The following PHACTR1 variants were observed in gnomAD, a reference collection of about 807,000 sequenced individuals.
The protein encoded by PHACTR1 is phosphatase and actin regulator 1.
PHACTR1 carries 16 observed loss-of-function variants against 69.2 expected under a neutral mutation model. The observed-to-expected ratio is 0.23, with a 90% CI of 0.16 to 0.35. The LOEUF (loss-of-function observed/expected upper bound fraction) is 0.35, where lower values mean the gene tolerates loss of function less well. Ranked by LOEUF, PHACTR1 falls within the 10% of genes least tolerant of loss-of-function variation. PHACTR1 has a pLI of 1.00. For missense variants in PHACTR1, 510 were observed against 734.7 expected, an observed-to-expected ratio of 0.69 and a Z score of 3.54; for synonymous variants, 312 against 284.5, an observed-to-expected ratio of 1.10 and a Z score of -0.97.
At chr6:12,762,672 A>G (rs1233796985) in intron 4 of PHACTR1, among the ~76,000 whole-genome samples, 3 of 152,204 alleles carry the variant, frequency 2.0e-5, no homozygotes, top group Non-Finnish European at 4.4e-5. Context: ...CCCTCACCTC[A>G]GAACTCCTCC....
chr6:12,731,016 T>TTATTTATG (rs978762535), intron 3 of PHACTR1, among the ~76,000 whole-genome samples: 8 of 150,618 alleles, frequency 5.3e-5, no homozygotes, highest in African/African-American at 2.0e-4. Context: ...ATTTATTTAT[T>TTATTTATG]TATTTATTTA....
chr6:13,241,548 T>C (rs1772842019), intron 10 of PHACTR1, among the ~76,000 whole-genome samples: 1 of 152,146 alleles, frequency 6.6e-6, no homozygotes. Context: ...TGAAAGCTCT[T>C]CACCACTTAC....
intron 3 of PHACTR1, among the ~76,000 whole-genome samples, chr6:12,728,448 T>C (rs182721623): frequency 6.6e-6 from 1 of 152,296 alleles, no homozygotes; most frequent in East Asian, 1.9e-4. Flanking sequence ...AAACTGGGGG[T>C]ATGAATAAGA....
At chr6:12,839,362 G>A (rs1320744788) in intron 4 of PHACTR1, among the ~76,000 whole-genome samples, 1 of 152,176 alleles carries the variant, frequency 6.6e-6, no homozygotes, top group African/African-American at 2.4e-5. Flanking sequence ...CATCAAGCAA[G>A]CTATCATTCC....
intron 4 of PHACTR1, among the ~76,000 whole-genome samples, chr6:12,851,064 AGAG>A (rs1474260683): frequency 3.3e-5 from 5 of 152,214 alleles, no homozygotes; most frequent in Admixed American, 1.3e-4. Context: ...CAATTTTAAG[AGAG>A]TTCGTGTGTT....
chr6:13,041,958 T>C (rs889079203), intron 4 of PHACTR1, among the ~76,000 whole-genome samples: 7 of 152,144 alleles, frequency 4.6e-5, no homozygotes, highest in Non-Finnish European at 7.3e-5. Context: ...TACTCAACAT[T>C]TGATAAATTG....
intron 5 of PHACTR1, among the ~76,000 whole-genome samples, chr6:13,148,538 C>T (rs1050462958): frequency 1.3e-5 from 2 of 152,194 alleles, no homozygotes; most frequent in African/African-American, 2.4e-5. Context: ...GAAGAATGCA[C>T]TTTTGACAGC....
intron 4 of PHACTR1, among the ~76,000 whole-genome samples, chr6:12,799,598 G>A (rs1355210969): frequency 2.0e-5 from 3 of 152,132 alleles, no homozygotes; most frequent in South Asian, 2.1e-4. Context: ...AGTGAGAAGG[G>A]CACCTGCCTC....
chr6:12,949,895 C>T (rs935080281), intron 4 of PHACTR1, among the ~76,000 whole-genome samples: 3 of 152,136 alleles, frequency 2.0e-5, no homozygotes, highest in Non-Finnish European at 4.4e-5. Flanking sequence ...AGTTTCTCAT[C>T]CCCACGGCTG....
At chr6:13,200,061 C>A (rs556099523) in intron 7 of PHACTR1, among the ~76,000 whole-genome samples, 1 of 152,334 alleles carries the variant, frequency 6.6e-6, no homozygotes, top group East Asian at 1.9e-4. Context: ...AATGACCCCC[C>A]AGGATGGACA....
chr6:12,908,500 A>G (rs1786002574), intron 4 of PHACTR1, among the ~76,000 whole-genome samples: 1 of 152,074 alleles, frequency 6.6e-6, no homozygotes, highest in African/African-American at 2.4e-5. Context: ...GTGCAGTTGC[A>G]GAGATTTAAA....
chr6:12,798,780 A>G (rs1015905309), intron 4 of PHACTR1, among the ~76,000 whole-genome samples: 1 of 152,248 alleles, frequency 6.6e-6, no homozygotes, highest in Admixed American at 6.5e-5. Context: ...TTTTTGATGC[A>G]TAATCAAGAT....
intron 5 of PHACTR1, among the ~76,000 whole-genome samples, chr6:13,143,271 T>C (rs1455119840): frequency 6.6e-6 from 1 of 152,188 alleles, no homozygotes; most frequent in East Asian, 1.9e-4. Flanking sequence ...CATTTAAAAA[T>C]AACTAAAAGT....
chr6:12,772,830 A>T (rs983691045), intron 4 of PHACTR1, among the ~76,000 whole-genome samples: 1 of 152,244 alleles, frequency 6.6e-6, no homozygotes, highest in African/African-American at 2.4e-5. Flanking sequence ...CAAATAAAAC[A>T]TGATAGTCCG....
Position 12,955,485 on chromosome 6 carries a change from C to A in PHACTR1, c.251-97880C>A, listed in dbSNP as rs181552975. ...GGATTACAGGATTGAGCCACCATGC[C>A]TGGCCCCACATTATATTTCTATTGA... On this transcript the variant is annotated intron_variant, in intron 4 of 14. Coordinates refer to ENST00000332995, the MANE Select transcript of PHACTR1 (RefSeq NM_030948.6). 1.4e-3 allele frequency among the ~76,000 whole-genome samples: 214 copies of A among 152,224 alleles called. 1 individual carries two copies. The highest frequency in any genetic ancestry group is 6.8e-3 in the Middle Eastern group (2 of 294).
intron 4 of PHACTR1, among the ~76,000 whole-genome samples, chr6:12,839,404 A>C (rs990857284): frequency 2.0e-5 from 3 of 152,132 alleles, no homozygotes; most frequent in Non-Finnish European, 4.4e-5. Context: ...GGGAGTAATC[A>C]GGATATTTTT....
At chr6:13,213,366 A>G (rs111396936) in intron 8 of PHACTR1, among the ~76,000 whole-genome samples, 1 of 152,068 alleles carries the variant, frequency 6.6e-6, no homozygotes, top group African/African-American at 2.4e-5. Flanking sequence ...ACAAAGAAAA[A>G]TTCTTGTTCT....
At chr6:13,269,130 A>T (rs1342355292) in intron 10 of PHACTR1, among the ~76,000 whole-genome samples, 1 of 58,756 alleles carries the variant, frequency 1.7e-5, no homozygotes, top group Non-Finnish European at 5.6e-5. Flanking sequence ...CACTGGCCTG[A>T]TCTCCAAATG....
At chr6:13,035,119 C>G (rs569946106) in intron 4 of PHACTR1, among the ~76,000 whole-genome samples, 1 of 152,294 alleles carries the variant, frequency 6.6e-6, no homozygotes, top group South Asian at 2.1e-4. Context: ...CTTTGTTAGT[C>G]AATTTAGCTA....
Sources: allele counts gnomAD v4.1 joint callset (sites outside exome capture counted in the v4.1 genomes callset), GRCh38; gene constraint gnomAD v4.1.1; transcripts MANE v1.5; gene names NCBI Gene and HGNC (gene_info 2026-07-23, HGNC 2026-07-21).